Variants in KIF26B observed in about 807,000 individuals in gnomAD.
KIF26B encodes kinesin family member 26B, also known as kinesin-like protein KIF26B.
KIF26B carries 63 observed loss-of-function variants against 151.2 expected under a neutral mutation model. The ratio of observed to expected loss-of-function variants is 0.42; its 90% CI spans 0.34 to 0.51. The LOEUF (loss-of-function observed/expected upper bound fraction) is 0.51, where lower values mean the gene tolerates loss of function less well. Among genes scored for constraint, KIF26B ranks in the 20% least tolerant of loss-of-function variants. The pLI, the probability that KIF26B is intolerant of heterozygous loss-of-function variation, is 0.07. For missense variants in KIF26B, 2,813 were observed against 2,913.6 expected, an observed-to-expected ratio of 0.97 and a Z score of 0.79; for synonymous variants, 1,357 against 1,262.1, an observed-to-expected ratio of 1.08 and a Z score of -1.59.
chr1:245,546,840 A>G (rs759080458), intron 5 of KIF26B, among the ~76,000 whole-genome samples: 22 of 152,260 alleles, frequency 1.4e-4, no homozygotes, highest in Non-Finnish European at 3.1e-4. Flanking sequence ...CTTCTGGGAA[A>G]TTAACTCATG....
chr1:245,609,762 G>A, intron 8 of KIF26B, among the ~76,000 whole-genome samples: 1 of 151,840 alleles, frequency 6.6e-6, no homozygotes, highest in African/African-American at 2.4e-5. Context: ...TACAGCATTT[G>A]GGGGAGAAAT....
chr1:245,175,099 C>G (rs1668780035), intron 2 of KIF26B, among the ~76,000 whole-genome samples: 1 of 152,148 alleles, frequency 6.6e-6, no homozygotes, highest in Non-Finnish European at 1.5e-5. Context: ...GACTTCCCAC[C>G]AGGGTGAAAA....
chr1:245,672,374 G>A (rs79084823), intron 10 of KIF26B, among the ~76,000 whole-genome samples: 2,990 of 152,334 alleles, frequency 0.02, 102 homozygotes, highest in African/African-American at 0.067. Context: ...CACAGGGACA[G>A]ACGTGCGCAT....
intron 9 of KIF26B, among the ~76,000 whole-genome samples, chr1:245,637,585 GC>G (rs2043849087): frequency 6.6e-6 from 1 of 151,540 alleles, no homozygotes; most frequent in Non-Finnish European, 1.5e-5. Flanking sequence ...AAAAATATTC[GC>G]CAATGTCCTG....
chr1:245,167,061 T>G lies in KIF26B; in HGVS notation c.465+10378T>G, dbSNP rs762720142. The stretch of plus-strand genomic sequence containing the variant: ...TATTTTGATTTTCCTTTTCTACTTA[T>G]TGGAGTTTACGTTCAATACTGTTGC... On this transcript the variant is annotated intron_variant, in intron 2 of 14. Transcript: ENST00000407071. This position sits in a 1 kb window ranked among gnomAD's most constrained non-coding sequence, Gnocchi z 4.2. 2.0e-5 allele frequency among the ~76,000 whole-genome samples: 3 copies of G among 152,250 alleles called. No individual in the cohort carries two copies. Among genetic ancestry groups the G allele is most frequent in the Non-Finnish European group, 4.4e-5 (3 of 68,048 alleles).
At chr1:245,599,379 CTT>C (rs1323417996) in intron 5 of KIF26B, among the ~76,000 whole-genome samples, 1 of 152,210 alleles carries the variant, frequency 6.6e-6, no homozygotes, top group Non-Finnish European at 1.5e-5. Flanking sequence ...GTGTGTATCT[CTT>C]TGGCCAGACC....
Position 245,688,588 on chromosome 1 carries a change from A to G in KIF26B, c.5605A>G (p.Ser1869Gly). 1 of 1,576,032 alleles carries G rather than the reference A, an allele frequency of 6.3e-7. No individual in the cohort carries two copies. Among genetic ancestry groups the G allele is most frequent in the Non-Finnish European group, 8.6e-7 (1 of 1,164,076 alleles). Residue 1869 changes from serine to glycine, a missense_variant, in exon 12 of 15, where the codon AGC becomes GGC. Around this residue, in one of 3 missense-constraint regions of KIF26B, gnomAD observed 2,060 missense variants for 2,088.6 expected, o/e 0.99. Coordinates refer to ENST00000407071, the MANE Select transcript of KIF26B (RefSeq NM_018012.4). ...CCACCGCTGCAGCAGCGGCCACGGC[A>G]GCGACAACAGCAGCGTGCTGAGCGG... ...RPHRCSSGHG[S>G]DNSSVLSGEL...
chr1:245,177,901 G>GT (rs1203598576), intron 2 of KIF26B, among the ~76,000 whole-genome samples: 1 of 152,072 alleles, frequency 6.6e-6, no homozygotes, highest in Non-Finnish European at 1.5e-5. Flanking sequence ...GGGGATTAGG[G>GT]TTTTTTGTTT....
chr1:245,598,448 G>T (rs956020966), intron 5 of KIF26B, among the ~76,000 whole-genome samples: 8 of 152,164 alleles, frequency 5.3e-5, no homozygotes, highest in Admixed American at 3.3e-4. Flanking sequence ...CAGCTTCTGG[G>T]TAGAGAAACA....
chr1:245,461,735 T>C (rs1463741223), intron 4 of KIF26B, among the ~76,000 whole-genome samples: 1 of 152,176 alleles, frequency 6.6e-6, no homozygotes, highest in African/African-American at 2.4e-5. Flanking sequence ...GCTGCAAGAA[T>C]GGCTAAGCAG....
chr1:245,317,357 A>G (rs57399171), intron 2 of KIF26B, among the ~76,000 whole-genome samples: 11,577 of 152,174 alleles, frequency 0.076, 785 homozygotes, highest in African/African-American at 0.17. Flanking sequence ...GTGAGCTTTC[A>G]CGGGGTTGTT....
intron 4 of KIF26B, among the ~76,000 whole-genome samples, chr1:245,513,869 C>T (rs1323937960): frequency 2.0e-5 from 3 of 152,172 alleles, no homozygotes; most frequent in African/African-American, 7.2e-5. Flanking sequence ...CCACATTTTT[C>T]TCCCTGTAAA....
chr1:245,702,621 T>A lies in KIF26B; in HGVS notation c.*15T>A. On this transcript the variant is annotated 3_prime_UTR_variant, in exon 15 of 15. Transcript: ENST00000407071. The surrounding 1 kb of genome is among the most constrained non-coding windows in gnomAD (Gnocchi z 4.1). ...GGCGCCGGTAGATGAGCCAGACCCT[T>A]GTCCTAGTGGTCCCCCGCTCCCCAG... The A allele has an allele frequency of 6.2e-7, 1 of 1,611,336 alleles. No individual in the cohort carries two copies. Among genetic ancestry groups the A allele is most frequent in the Non-Finnish European group, 8.5e-7 (1 of 1,178,260 alleles).
rs1337413452 is a variant in KIF26B, at chr1:245,540,968, C to A, written c.1350+18C>A. 1 of 1,593,382 alleles carries A rather than the reference C, an allele frequency of 6.3e-7. No homozygotes were observed. Among genetic ancestry groups the A allele is most frequent in the Non-Finnish European group, 8.6e-7 (1 of 1,166,800 alleles). On this transcript the variant is annotated intron_variant, in intron 5 of 14. Coordinates refer to ENST00000407071, the MANE Select transcript of KIF26B (RefSeq NM_018012.4). This position sits in a 1 kb window ranked among gnomAD's most constrained non-coding sequence, Gnocchi z 4.6. ...TGGGCAAGGTAGGACCATCCGCCGT[C>A]CCTGCCATTTGCCCAGTGTGCGAGG...
intron 9 of KIF26B, among the ~76,000 whole-genome samples, chr1:245,626,251 T>TGG (rs2043722779): frequency 1.3e-5 from 2 of 152,228 alleles, no homozygotes; most frequent in South Asian, 4.1e-4. Flanking sequence ...CACCCAGTAG[T>TGG]GGGATTGCTA....
intron 10 of KIF26B, among the ~76,000 whole-genome samples, chr1:245,670,160 A>T (rs2147940163): frequency 1.3e-5 from 2 of 151,652 alleles, no homozygotes; most frequent in South Asian, 4.2e-4. Flanking sequence ...ATTCAGTAAC[A>T]TTATCTTTAG....
At chr1:245,228,739 G>A (rs971219228) in intron 2 of KIF26B, among the ~76,000 whole-genome samples, 2 of 152,180 alleles carry the variant, frequency 1.3e-5, no homozygotes, top group Non-Finnish European at 2.9e-5. Context: ...AATCTGAGGA[G>A]ATAATGTTAC....
chr1:245,293,911 A>T (rs1051839129), intron 2 of KIF26B, among the ~76,000 whole-genome samples: 1 of 152,230 alleles, frequency 6.6e-6, no homozygotes, highest in Non-Finnish European at 1.5e-5. Context: ...AGGAAAATGT[A>T]TAAAATGGAA....
intron 4 of KIF26B, among the ~76,000 whole-genome samples, chr1:245,455,860 C>G (rs1253254434): frequency 6.6e-6 from 1 of 152,164 alleles, no homozygotes; most frequent in African/African-American, 2.4e-5. Context: ...TTCAGCCACT[C>G]AGCACTGGGT....
Sources: allele counts gnomAD v4.1 joint callset (sites outside exome capture counted in the v4.1 genomes callset), GRCh38; gene constraint gnomAD v4.1.1; regional missense constraint gnomAD v4.1.1; non-coding constraint Gnocchi (gnomAD v3.1); transcripts MANE v1.5; gene names NCBI Gene and HGNC (gene_info 2026-07-23, HGNC 2026-07-21).